Variants in TAF8 observed in about 807,000 individuals in gnomAD.
TAF8 encodes the protein TATA-box binding protein associated factor 8, also known as transcription initiation factor TFIID subunit 8.
Under a neutral mutation model 36.5 loss-of-function variants are expected in TAF8, and 47 were observed. The ratio of observed to expected loss-of-function variants is 1.29; its 90% CI spans 1.02 to 1.64. The LOEUF (loss-of-function observed/expected upper bound fraction) is 1.64, where lower values mean the gene tolerates loss of function less well. Ranked by LOEUF, TAF8 falls within the 40% of genes most tolerant of loss-of-function variation. The probability of loss-of-function intolerance (pLI) is 0.00; values close to 1 mark genes in which losing one functional copy is unlikely to be tolerated. For missense variants in TAF8, 420 were observed against 407.6 expected, an observed-to-expected ratio of 1.03 and a Z score of -0.26; for synonymous variants, 175 against 159.5, an observed-to-expected ratio of 1.10 and a Z score of -0.73.
chr6:42,075,479 G>T (rs1481515247), intron 7 of TAF8, among the ~76,000 whole-genome samples: 1 of 152,220 alleles, frequency 6.6e-6, no homozygotes, highest in Non-Finnish European at 1.5e-5. Context: ...GTTTCTTCTG[G>T]CTCATTAAAC....
At chr6:42,076,702 C>G (rs1026293117) in intron 7 of TAF8, among the ~76,000 whole-genome samples, 2 of 152,164 alleles carry the variant, frequency 1.3e-5, no homozygotes, top group African/African-American at 2.4e-5. Context: ...ATGATGTGTT[C>G]TGATCCTGTA....
chr6:42,068,946 G>A (rs895915528), intron 7 of TAF8, among the ~76,000 whole-genome samples: 26 of 152,208 alleles, frequency 1.7e-4, no homozygotes, highest in Non-Finnish European at 2.5e-4. Context: ...GAGGGATGCA[G>A]TATTAGGTAG....
Position 42,051,421 on chromosome 6 carries a change from T to A in TAF8, c.110T>A (p.Leu37Gln), listed in dbSNP as rs1413992813. ...DNYHLARRRT[L>Q]QVVVSSLLTE... ...TATCATCTGGCCCGGAGGAGAACCCTGCAGGTGGTTGTGAGCTCCTTGCTG... is the reference window on the plus strand; with the variant it reads ...TATCATCTGGCCCGGAGGAGAACCCAGCAGGTGGTTGTGAGCTCCTTGCTG... The change falls in exon 2 of 9, where the codon CTG (leucine) becomes CAG (glutamine). Residue 37 changes from leucine (L) to glutamine (Q), a missense_variant. Coordinates refer to ENST00000372977, the MANE Select transcript of TAF8 (RefSeq NM_138572.3). The A allele has an allele frequency of 6.2e-7, 1 of 1,614,110 alleles. No individual in the cohort carries two copies. Among genetic ancestry groups the A allele is most frequent in the South Asian group, 1.1e-5 (1 of 91,078 alleles).
Position 42,077,611 on chromosome 6 carries a change from C to T in TAF8, c.*66C>T. 6.3e-7 allele frequency: 1 copy of T among 1,595,104 alleles called. No homozygotes were observed. Among genetic ancestry groups the T allele is most frequent in the South Asian group, 1.1e-5 (1 of 88,104 alleles). Reference sequence around the variant, plus strand: ...ACCCTCCCGGGGAGTTAAAGCCACTCAAGGGAAGAAGAGGGTGACCTCCTC... The same window carrying T: ...ACCCTCCCGGGGAGTTAAAGCCACTTAAGGGAAGAAGAGGGTGACCTCCTC... On this transcript the variant is annotated 3_prime_UTR_variant, in exon 9 of 9. Transcript: ENST00000372977.
chr6:42,061,878 A>G (rs981117658), intron 5 of TAF8, among the ~76,000 whole-genome samples: 1 of 152,204 alleles, frequency 6.6e-6, no homozygotes, highest in African/African-American at 2.4e-5. Context: ...AACACTGGAT[A>G]TCACAAAATA....
chr6:42,079,945 T>C lies in TAF8; in HGVS notation c.*2400T>C, dbSNP rs1765871290. ...GCTCCATGTTCTTCTGGCCTCACTGTACTGTGTAAGGAAAGAGCTGCTTGT... is the reference window on the plus strand; with the variant it reads ...GCTCCATGTTCTTCTGGCCTCACTGCACTGTGTAAGGAAAGAGCTGCTTGT... On this transcript the variant is annotated 3_prime_UTR_variant, in exon 9 of 9. Transcript: ENST00000372977. The C allele has an allele frequency of 1.0e-6, 1 of 984,910 alleles. No individual in the cohort carries two copies. The highest frequency in any genetic ancestry group is 6.2e-5 in the Admixed American group (1 of 16,188). 61.0% of individuals were successfully genotyped at this position (984,910 alleles called of 1,614,324 possible). A position where few individuals can be genotyped will look rare whatever the true frequency, so the allele number is the denominator to read the frequency against.
intron 6 of TAF8, 23 bp downstream of exon 6, chr6:42,066,482 G>A (rs772923554): frequency 6.2e-7 from 1 of 1,612,966 alleles, no homozygotes; most frequent in Non-Finnish European, 8.5e-7. Context: ...CCACTGTGTG[G>A]ACCCTGTCTT....
downstream of TAF8, among the ~76,000 whole-genome samples, chr6:42,086,234 G>A (rs1408785577): frequency 2.6e-5 from 4 of 152,132 alleles, no homozygotes; most frequent in Non-Finnish European, 4.4e-5. Context: ...ACCTTCCTCC[G>A]GAAAAACAGC....
rs1022939244 is a variant in TAF8, at chr6:42,051,129, C to T, written c.46-228C>T. ...GAAAGTAAAAGACCTGCTATTTTAT[C>T]TCATTGGGACTGTACGTTTTAGGTA... On this transcript the variant is annotated intron_variant, in intron 1 of 8. Transcript: ENST00000372977. The T allele has an allele frequency of 4.1e-6, 5 of 1,209,398 alleles. No individual in the cohort carries two copies. The African/African-American group carries it at 6.2e-5, about 15-fold the overall frequency. 74.9% of individuals were successfully genotyped at this position (1,209,398 alleles called of 1,614,324 possible).
Position 42,068,652 on chromosome 6 carries a change from C to T in TAF8, c.780+45C>T, listed in dbSNP as rs773509903. 5.6e-6 allele frequency: 9 copies of T among 1,602,986 alleles called. No individual in the cohort carries two copies. In the East Asian group the frequency reaches 6.7e-5, roughly 12 times the overall value. On this transcript the variant is annotated intron_variant, in intron 7 of 8. Coordinates refer to ENST00000372977, the MANE Select transcript of TAF8 (RefSeq NM_138572.3). The stretch of plus-strand genomic sequence containing the variant: ...TACCTCAGAGTATCCCCCAAACTGT[C>T]GCACACTGCCCTCAGTCTGTCACCC...
chr6:42,056,901 C>T (rs1218887632), intron 4 of TAF8, among the ~76,000 whole-genome samples: 3 of 152,212 alleles, frequency 2.0e-5, no homozygotes, highest in Admixed American at 6.5e-5. Flanking sequence ...CCACCGCACC[C>T]GGCCTGGATT....
intron 6 of TAF8, among the ~76,000 whole-genome samples, chr6:42,068,176 G>A (rs1475978788): frequency 6.6e-6 from 1 of 152,188 alleles, no homozygotes; most frequent in African/African-American, 2.4e-5. Context: ...AGTAGATTCT[G>A]AAGTCATGCT....
rs1329268538 is a variant in TAF8, at chr6:42,082,189, A to G, written c.*4644A>G. On this transcript the variant is annotated 3_prime_UTR_variant, in exon 9 of 9. Coordinates refer to ENST00000372977, the MANE Select transcript of TAF8 (RefSeq NM_138572.3). ...ACACAAATGGTGAAGACACAGAACC[A>G]TTGCATCAGTACAGTTCTCCCTCAT... 2 of 152,258 alleles carry G rather than the reference A, an allele frequency of 1.3e-5. No individual in the cohort carries two copies. The highest frequency in any genetic ancestry group is 2.9e-5 in the Non-Finnish European group (2 of 68,048). The allele number at this position is 152,258 out of a possible 1,614,324, so 9.4% of individuals were successfully genotyped here.
chr6:42,071,311 CTTTTTTTTTTTTTTTTT>C (rs70987566), intron 7 of TAF8: 715 of 121,418 alleles, frequency 5.9e-3, no homozygotes, highest in South Asian at 0.014. Context: ...CCTGGACATA[CTTTTTTTTTTTTTTTTT>C]TTTTTTTTTT....
At position 42,077,757 on chromosome 6, in the gene TAF8, A is replaced by T; in HGVS notation, c.*212A>T. 3.4e-6 allele frequency: 4 copies of T among 1,174,908 alleles called. No individual in the cohort carries two copies. The highest frequency in any genetic ancestry group is 4.5e-6 in the Non-Finnish European group (4 of 898,822). 72.8% of individuals were successfully genotyped at this position (1,174,908 alleles called of 1,614,324 possible). A position where few individuals can be genotyped will look rare whatever the true frequency, so the allele number is the denominator to read the frequency against. On this transcript the variant is annotated 3_prime_UTR_variant, in exon 9 of 9. Transcript: ENST00000372977. ...GGAAGATATGAACAGAATAATGAGA[A>T]TTTTTTTTTTTATTTTGAGATGGAG...
At chr6:42,064,491 G>A (rs994748230) in intron 5 of TAF8, among the ~76,000 whole-genome samples, 5 of 152,110 alleles carry the variant, frequency 3.3e-5, no homozygotes, top group African/African-American at 9.7e-5. Flanking sequence ...CTGACCTCAG[G>A]TAATCTATCC....
At chr6:42,054,621 T>A (rs977332454) in intron 2 of TAF8, among the ~76,000 whole-genome samples, 3 of 152,238 alleles carry the variant, frequency 2.0e-5, no homozygotes, top group Non-Finnish European at 4.4e-5. Context: ...TCTTTTCTTT[T>A]TTTCTGAGAT....
In TAF8 at chr6:42,064,358, T is replaced by G. The variant is rs532709620; in HGVS notation, c.490-1954T>G. 2.6e-5 allele frequency among the ~76,000 whole-genome samples: 4 copies of G among 152,092 alleles called. 1 individual carries two copies. In the South Asian group the frequency reaches 8.3e-4, roughly 32 times the overall value. On this transcript the variant is annotated intron_variant, in intron 5 of 8. Transcript: ENST00000372977. The stretch of plus-strand genomic sequence containing the variant: ...ACCTCTGTCTCCCAGGTTCAAGCGA[T>G]TCTCATGTCTCAGCCTCCCCCAAGT...
At chr6:42,077,509 C>T in intron 8 of TAF8, 24 bp from the exon 9 acceptor site, 3 of 1,611,938 alleles carry the variant, frequency 1.9e-6, no homozygotes, top group Non-Finnish European at 2.5e-6. Context: ...CACCAGGAGG[C>T]TCCATGGTTC....
Sources: allele counts gnomAD v4.1 joint callset (sites outside exome capture counted in the v4.1 genomes callset), GRCh38; gene constraint gnomAD v4.1.1; transcripts MANE v1.5; gene names NCBI Gene and HGNC (gene_info 2026-07-23, HGNC 2026-07-21).